MOV10L1: variants seen among roughly 807,000 people sequenced by gnomAD.
The protein encoded by MOV10L1 is RNA helicase Mov10l1.
In MOV10L1, 110 loss-of-function variants were observed where a neutral mutation model predicts 143.8. The observed-to-expected ratio is 0.76, with a 90% CI of 0.66 to 0.90. The LOEUF (loss-of-function observed/expected upper bound fraction) is 0.90. Among genes scored for constraint, MOV10L1 ranks in the 40% least tolerant of loss-of-function variants. MOV10L1 has a pLI of 0.00. For missense variants in MOV10L1, 1,406 were observed against 1,526.8 expected (o/e 0.92, Z 1.32); for synonymous variants, 593 against 581.1 (o/e 1.02, Z -0.29).
intron 21 of MOV10L1, among the ~76,000 whole-genome samples, chr22:50,151,352 A>G (rs1358436485): frequency 1.3e-5 from 2 of 152,368 alleles, no homozygotes; most frequent in East Asian, 1.9e-4. Flanking sequence ...CCATCATTCA[A>G]CAGTGAACCA....
chr22:50,141,944 C>A, intron 15 of MOV10L1, 137 bp from the exon 16 acceptor site: 1 of 480,782 alleles, frequency 2.1e-6, no homozygotes, highest in South Asian at 4.8e-5. Flanking sequence ...TTCAAAGGGT[C>A]TGACCTGTGA....
chr22:50,160,641 C>T (rs769604624), intron 24 of MOV10L1, 47 bp from the exon 25 acceptor site: 22 of 1,581,808 alleles, frequency 1.4e-5, no homozygotes, highest in Admixed American at 3.7e-5. Context: ...CTTCATGCCC[C>T]CCAAAAACTT....
intron 5 of MOV10L1, among the ~76,000 whole-genome samples, chr22:50,109,390 C>A (rs2061958943): frequency 6.6e-6 from 1 of 151,928 alleles, no homozygotes. Flanking sequence ...CCAAGCGAGG[C>A]CGGGCACGGT....
At chr22:50,156,886 A>G (rs892381130) in intron 22 of MOV10L1, among the ~76,000 whole-genome samples, 1 of 152,220 alleles carries the variant, frequency 6.6e-6, no homozygotes, top group Non-Finnish European at 1.5e-5. Flanking sequence ...CATACCCGGA[A>G]GTGGAATTGT....
intron 22 of MOV10L1, among the ~76,000 whole-genome samples, chr22:50,155,667 G>A (rs2147008190): frequency 6.6e-6 from 1 of 152,274 alleles, no homozygotes; most frequent in Non-Finnish European, 1.5e-5. Context: ...GTAGAGACGG[G>A]GTTTCACCAT....
rs1478696777 is a variant in MOV10L1, at chr22:50,120,534, C to T, written c.1487C>T (p.Pro496Leu). 6.2e-7 allele frequency: 1 copy of T among 1,611,656 alleles called. No homozygotes were observed. The highest frequency in any genetic ancestry group is 8.5e-7 in the Non-Finnish European group (1 of 1,179,058). Residue 496 changes from proline to leucine, a missense_variant, in exon 10 of 27, where the codon CCC becomes CTC. Coordinates refer to ENST00000262794, the MANE Select transcript of MOV10L1 (RefSeq NM_018995.3). ...AGACGACAACTTCCAAGTTTTCTTC[C>T]CCAATATCCAATCCCAGATAGACTT... ...NSRRQLPSFLPQYPIPDRLRK... is the reference protein window; with the variant it reads ...NSRRQLPSFLLQYPIPDRLRK...
intron 9 of MOV10L1, among the ~76,000 whole-genome samples, chr22:50,119,121 G>C (rs2062263767): frequency 6.6e-6 from 1 of 152,162 alleles, no homozygotes; most frequent in Non-Finnish European, 1.5e-5. Context: ...TGGCTTAACA[G>C]AAAGAGTGAA....
At chr22:50,119,843 A>G (rs1009623699) in intron 9 of MOV10L1, among the ~76,000 whole-genome samples, 2 of 151,428 alleles carry the variant, frequency 1.3e-5, no homozygotes, top group African/African-American at 4.9e-5. Flanking sequence ...GCTGGGAGGG[A>G]ATGAGGGATA....
intron 15 of MOV10L1, among the ~76,000 whole-genome samples, chr22:50,136,646 C>T (rs1202717496): frequency 6.6e-6 from 1 of 152,080 alleles, no homozygotes; most frequent in African/African-American, 2.4e-5. Context: ...GACCTGAGTA[C>T]AGAGACAGCA....
intron 8 of MOV10L1, 49 bp downstream of exon 8, chr22:50,115,295 T>C: frequency 6.9e-7 from 1 of 1,444,176 alleles, no homozygotes; most frequent in Non-Finnish European, 9.1e-7. Flanking sequence ...GTTTCTCTGA[T>C]ACTTCTAGGT....
Position 50,130,215 on chromosome 22 carries a change from C to T in MOV10L1, c.1910+1708C>T, listed in dbSNP as rs548448938. 6.6e-5 allele frequency among the ~76,000 whole-genome samples: 10 copies of T among 152,138 alleles called. No homozygotes were observed. In the South Asian group the frequency reaches 1.0e-3, roughly 16 times the overall value. ...GCTTGAACCCAGGAGGCGGAGGTTG[C>T]GGTGAGCTGAGATCATACTACTGCA... On this transcript the variant is annotated intron_variant, in intron 13 of 26. Transcript: ENST00000262794.
At chr22:50,091,665 C>T (rs2062447425) in intron 1 of MOV10L1, among the ~76,000 whole-genome samples, 1 of 152,136 alleles carries the variant, frequency 6.6e-6, no homozygotes, top group Non-Finnish European at 1.5e-5. Flanking sequence ...TGGCAACAGG[C>T]CCAGAGTAGT....
chr22:50,150,657 G>A, intron 20 of MOV10L1, 78 bp from the exon 21 acceptor site: 2 of 1,515,174 alleles, frequency 1.3e-6, no homozygotes, highest in Non-Finnish European at 1.8e-6. Flanking sequence ...CCTGCGCACA[G>A]CCCCATTCCC....
rs761172898 is a variant in MOV10L1, at chr22:50,108,831, C to T, written c.730C>T (p.Leu244=). Residue 244 remains leucine, a synonymous_variant, in exon 5 of 27, where the codon CTA becomes TTA. Coordinates refer to ENST00000262794, the MANE Select transcript of MOV10L1 (RefSeq NM_018995.3). ...TGTCTGGAGGGCACTTTGTATGACC[C>T]TAGTGAAGAGGCGGTAAGAAAATGC... ...CYVWRALCMT[L]VKRRDAAPVH... 5.0e-6 allele frequency: 8 copies of T among 1,613,932 alleles called. No homozygotes were observed. Among genetic ancestry groups the T allele is most frequent in the African/African-American group, 1.3e-5 (1 of 74,908 alleles).
chr22:50,139,904 G>A (rs1210971834), intron 15 of MOV10L1, among the ~76,000 whole-genome samples: 3 of 152,172 alleles, frequency 2.0e-5, no homozygotes, highest in Admixed American at 6.5e-5. Flanking sequence ...ACCCTGCTGT[G>A]GGAATGGGGA....
At position 50,090,350 on chromosome 22, in the gene MOV10L1, TTCCGACCCCACAGCA is replaced by T. The variant is rs2062396040; in HGVS notation, c.97+169_97+183del. 9 of 1,513,208 alleles carry T rather than the reference TTCCGACCCCACAGCA, an allele frequency of 5.9e-6. No individual in the cohort carries two copies. The Admixed American group carries it at 1.7e-4, about 28-fold the overall frequency. 93.7% of individuals were successfully genotyped at this position (1,513,208 alleles called of 1,614,324 possible). ...GGGATCCCCGTTCGCCTCAGGAGGC[TTCCGACCCCACAGCA>T]TCCCGCCGCTCTGGGCGCCCGTCCT... On this transcript the variant is annotated intron_variant, in intron 1 of 26. Transcript: ENST00000262794.
intron 3 of MOV10L1, among the ~76,000 whole-genome samples, chr22:50,107,655 C>T (rs539484398): frequency 1.2e-4 from 18 of 152,340 alleles, no homozygotes; most frequent in African/African-American, 3.4e-4. Context: ...GGAGGCCCAG[C>T]GGTGTCTTGC....
chr22:50,129,126 A>G (rs1254185724), intron 13 of MOV10L1, among the ~76,000 whole-genome samples: 1 of 152,116 alleles, frequency 6.6e-6, no homozygotes, highest in Non-Finnish European at 1.5e-5. Flanking sequence ...CCGTGTTTCT[A>G]GCTTTATTAT....
At chr22:50,111,604 C>T (rs1004060931) in intron 5 of MOV10L1, among the ~76,000 whole-genome samples, 5 of 148,518 alleles carry the variant, frequency 3.4e-5, no homozygotes, top group African/African-American at 1.0e-4. Flanking sequence ...CCTGGGTTCA[C>T]GCCATTCACC....
Sources: allele counts gnomAD v4.1 joint callset (sites outside exome capture counted in the v4.1 genomes callset), GRCh38; gene constraint gnomAD v4.1.1; transcripts MANE v1.5; gene names NCBI Gene and HGNC (gene_info 2026-07-23, HGNC 2026-07-21).